The following CNKSR3 variants were observed in gnomAD, a reference collection of about 807,000 sequenced individuals.
CNKSR3 encodes connector enhancer of kinase suppressor of ras 3.
In CNKSR3, 36 loss-of-function variants were observed where a neutral mutation model predicts 67.7. The ratio of observed to expected loss-of-function variants is 0.53; its 90% CI spans 0.41 to 0.70. The LOEUF is 0.70. Among genes scored for constraint, CNKSR3 ranks in the 30% least tolerant of loss-of-function variants. The pLI is 0.00. For missense variants in CNKSR3, 630 were observed against 695.2 expected (o/e 0.91, Z 1.05); for synonymous variants, 281 against 271.4 (o/e 1.04, Z -0.35).
In CNKSR3 at chr6:154,391,839, A is replaced by G. The variant is rs1419392342; in HGVS notation, c.*14515T>C. On this transcript the variant is annotated 3_prime_UTR_variant, in exon 13 of 13. Coordinates refer to ENST00000607772, the MANE Select transcript of CNKSR3 (RefSeq NM_173515.4). ...TCTTGCTGCCCCGTCACAGGTAACC[A>G]ACATCCTAAACTTGGTCTTTTCACA... 1 of 152,264 alleles carries G rather than the reference A, an allele frequency of 6.6e-6. No individual in the cohort carries two copies. The highest frequency in any genetic ancestry group is 1.5e-5 in the Non-Finnish European group (1 of 68,068). 9.4% of individuals were successfully genotyped at this position (152,264 alleles called of 1,614,324 possible).
Position 154,472,498 on chromosome 6 carries a change from T to A in CNKSR3, c.53-22240A>T, listed in dbSNP as rs1409961940. Among the ~76,000 whole-genome samples, 12 of 152,050 alleles carry A rather than the reference T, an allele frequency of 7.9e-5. No homozygotes were observed. The South Asian group carries it at 2.3e-3, about 29-fold the overall frequency. ...CACTTCCCTGGCCCTCAACTCTAAA[T>A]CCCCCTTATTTCGTATCTCGGGATA... On this transcript the variant is annotated intron_variant, in intron 1 of 12. Coordinates refer to ENST00000607772, the MANE Select transcript of CNKSR3 (RefSeq NM_173515.4).
intron 12 of CNKSR3, among the ~76,000 whole-genome samples, chr6:154,407,866 G>T (rs924719585): frequency 5.4e-4 from 16 of 29,894 alleles, no homozygotes; most frequent in South Asian, 1.2e-3. Context: ...TCAAATTTTA[G>T]AATTTGAAAA....
In CNKSR3 at chr6:154,406,032, C is replaced by A. The variant is rs1323253384; in HGVS notation, c.*322G>T. On this transcript the variant is annotated 3_prime_UTR_variant, in exon 13 of 13. Coordinates refer to ENST00000607772, the MANE Select transcript of CNKSR3 (RefSeq NM_173515.4). The stretch of plus-strand genomic sequence containing the variant: ...CTCAAAAAGGAACAATGCCACCAGT[C>A]CCTCACAATGACCATAACGTCTCTG... The A allele has an allele frequency of 7.9e-6, 2 of 253,134 alleles. No homozygotes were observed. Among genetic ancestry groups the A allele is most frequent in the Non-Finnish European group, 1.5e-5 (2 of 131,552 alleles). The allele number at this position is 253,134 out of a possible 1,614,324, so 15.7% of individuals were successfully genotyped here.
rs891621204 is a variant in CNKSR3 at position 154,397,849 on chromosome 6, C to T, written c.*8505G>A. 7.9e-5 allele frequency: 12 copies of T among 151,716 alleles called. No individual in the cohort carries two copies. Among genetic ancestry groups the T allele is most frequent in the Non-Finnish European group, 1.6e-4 (11 of 68,070 alleles). 9.4% of individuals were successfully genotyped at this position (151,716 alleles called of 1,614,324 possible). ...TGGAAGATGAGTAAAAGCAAATCTG[C>T]GGCCATCACTAGGTGCACAGTGCAG... On this transcript the variant is annotated 3_prime_UTR_variant, in exon 13 of 13. Coordinates refer to ENST00000607772, the MANE Select transcript of CNKSR3 (RefSeq NM_173515.4).
At chr6:154,424,149 G>A (rs535804706) in intron 7 of CNKSR3, among the ~76,000 whole-genome samples, 12 of 151,178 alleles carry the variant, frequency 7.9e-5, no homozygotes, top group East Asian at 7.8e-4. Flanking sequence ...GGAGAATGGC[G>A]TGAACCCAGG....
At chr6:154,451,956 C>T (rs58274297) in intron 1 of CNKSR3, among the ~76,000 whole-genome samples, 3 of 152,076 alleles carry the variant, frequency 2.0e-5, no homozygotes, top group Admixed American at 6.5e-5. Flanking sequence ...TCGTGGCACG[C>T]GAGTCAGGCA....
At chr6:154,411,403 T>C (rs569476062) in intron 10 of CNKSR3, among the ~76,000 whole-genome samples, 1 of 152,222 alleles carries the variant, frequency 6.6e-6, no homozygotes, top group South Asian at 2.1e-4. Flanking sequence ...TCCCAGCACT[T>C]TGGGAGGCCA....
chr6:154,414,178 G>T, intron 10 of CNKSR3, 121 bp downstream of exon 10: 1 of 1,041,542 alleles, frequency 9.6e-7, no homozygotes, highest in Non-Finnish European at 1.4e-6. Flanking sequence ...GGCAGTTCAA[G>T]ATTCAGCCCT....
At chr6:154,407,570 A>G (rs1784821429) in intron 12 of CNKSR3, among the ~76,000 whole-genome samples, 1 of 151,986 alleles carries the variant, frequency 6.6e-6, no homozygotes, top group Non-Finnish European at 1.5e-5. Context: ...GTGCCATCTC[A>G]GCTAGTTGCA....
intron 1 of CNKSR3, among the ~76,000 whole-genome samples, chr6:154,504,847 A>G (rs891819157): frequency 1.3e-5 from 2 of 151,710 alleles, no homozygotes; most frequent in Non-Finnish European, 2.9e-5. Flanking sequence ...TCTCTGTATT[A>G]AAAAATAATA....
chr6:154,415,228 A>ATTTTTTTTT (rs35873703), intron 9 of CNKSR3, among the ~76,000 whole-genome samples: 21 of 118,114 alleles, frequency 1.8e-4, no homozygotes, highest in East Asian at 9.8e-4. Flanking sequence ...CTAGCTGCCC[A>ATTTTTTTTT]TTTTTTTTTT....
chr6:154,403,541 A>T lies in CNKSR3; in HGVS notation c.*2813T>A, dbSNP rs918587461. On this transcript the variant is annotated 3_prime_UTR_variant, in exon 13 of 13. Coordinates refer to ENST00000607772, the MANE Select transcript of CNKSR3 (RefSeq NM_173515.4). ...ACTACTGAGGCAAGCAGTTTCCATT[A>T]ATTTCTAAGAAATCCATATTAAACT... 1.3e-5 allele frequency: 2 copies of T among 152,200 alleles called. No homozygotes were observed. The highest frequency in any genetic ancestry group is 2.9e-5 in the Non-Finnish European group (2 of 68,040). The allele number at this position is 152,200 out of a possible 1,614,324, so 9.4% of individuals were successfully genotyped here. A position where few individuals can be genotyped will look rare whatever the true frequency, so the allele number is the denominator to read the frequency against.
chr6:154,505,225 G>A (rs11967674), intron 1 of CNKSR3, among the ~76,000 whole-genome samples: 27,783 of 150,476 alleles, frequency 0.18, 3,252 homozygotes, highest in African/African-American at 0.33. Flanking sequence ...TCAGATCTCT[G>A]TAGTTAACTT....
At chr6:154,436,501 T>C (rs1785474900) in intron 4 of CNKSR3, among the ~76,000 whole-genome samples, 1 of 152,180 alleles carries the variant, frequency 6.6e-6, no homozygotes, top group Non-Finnish European at 1.5e-5. Context: ...AGGACAAATA[T>C]TGCTCATTTT....
chr6:154,501,272 C>A (rs1786988992), intron 1 of CNKSR3, among the ~76,000 whole-genome samples: 1 of 152,206 alleles, frequency 6.6e-6, no homozygotes, highest in South Asian at 2.1e-4. Context: ...TACTGCAATG[C>A]CTTCCAGCTG....
intron 9 of CNKSR3, among the ~76,000 whole-genome samples, chr6:154,418,610 T>A (rs952859289): frequency 6.6e-6 from 1 of 152,152 alleles, no homozygotes; most frequent in Non-Finnish European, 1.5e-5. Context: ...AGGCACTCCA[T>A]CAATTACCTA....
chr6:154,503,774 C>T (rs905461322), intron 1 of CNKSR3, among the ~76,000 whole-genome samples: 2 of 152,018 alleles, frequency 1.3e-5, no homozygotes, highest in Non-Finnish European at 2.9e-5. Flanking sequence ...AAGCACACAC[C>T]GTAAGACTGG....
rs903882167 is a variant in CNKSR3 at position 154,388,958 on chromosome 6, T to A, written c.*17396A>T. The A allele has an allele frequency of 6.7e-6, 1 of 149,904 alleles. No individual in the cohort carries two copies. Among genetic ancestry groups the A allele is most frequent in the African/African-American group, 2.5e-5 (1 of 40,596 alleles). The allele number at this position is 149,904 out of a possible 1,614,324, so 9.3% of individuals were successfully genotyped here. Reference sequence around the variant, plus strand: ...AAAAATTGGGTTTTTTTTTTTTTGCTATTGAGTTATGAATTCCTTACATAT... The same window carrying A: ...AAAAATTGGGTTTTTTTTTTTTTGCAATTGAGTTATGAATTCCTTACATAT... On this transcript the variant is annotated 3_prime_UTR_variant, in exon 13 of 13. Transcript: ENST00000607772.
intron 2 of CNKSR3, among the ~76,000 whole-genome samples, chr6:154,448,328 G>T (rs2128718768): frequency 1.3e-5 from 2 of 148,882 alleles, no homozygotes; most frequent in Middle Eastern, 6.8e-3. Flanking sequence ...TGTCCTCAAA[G>T]TATTACTGCA....
Sources: gnomAD v4.1 joint callset for allele counts (sites outside exome capture counted in the v4.1 genomes callset) on GRCh38, gnomAD v4.1.1 for gene constraint, MANE v1.5 for transcripts, NCBI Gene and HGNC (gene_info 2026-07-23, HGNC 2026-07-21) for gene names.